SCN7A: variants seen among roughly 807,000 people sequenced by gnomAD.
SCN7A encodes the protein sodium voltage-gated channel alpha subunit 7.
Under a neutral mutation model 155.2 loss-of-function variants are expected in SCN7A, and 138 were observed. The ratio of observed to expected loss-of-function variants is 0.89; its 90% CI spans 0.77 to 1.02. The LOEUF is 1.02. SCN7A is among the 50% of genes least tolerant of loss of function. The pLI, the probability that SCN7A is intolerant of heterozygous loss-of-function variation, is 0.00. For missense variants in SCN7A, 2,058 were observed against 1,986.6 expected, an observed-to-expected ratio of 1.04 and a Z score of -0.68; for synonymous variants, 693 against 649.0, an observed-to-expected ratio of 1.07 and a Z score of -1.03.
At chr2:166,448,036 T>G (rs143130486) in intron 11 of SCN7A, among the ~76,000 whole-genome samples, 1 of 152,180 alleles carries the variant, frequency 6.6e-6, no homozygotes. Flanking sequence ...TGTACTATAC[T>G]ATTGAACACT....
chr2:166,465,240 T>G (rs866300520), intron 9 of SCN7A, among the ~76,000 whole-genome samples: 2 of 152,172 alleles, frequency 1.3e-5, no homozygotes, highest in African/African-American at 4.8e-5. Context: ...ACTTCTCAGC[T>G]TCCCCGACTG....
chr2:166,459,649 T>C (rs1449163068), intron 10 of SCN7A, among the ~76,000 whole-genome samples: 1 of 152,116 alleles, frequency 6.6e-6, no homozygotes, highest in Non-Finnish European at 1.5e-5. Context: ...CTAGATAAAA[T>C]CAAAACAAAC....
intron 10 of SCN7A, 153 bp downstream of exon 10, chr2:166,462,236 A>G (rs1702430175): frequency 1.3e-6 from 1 of 778,188 alleles, no homozygotes; most frequent in African/African-American, 1.7e-5. Context: ...CCAGCATATA[A>G]TTTGACATTC....
At chr2:166,445,176 T>C (rs1291342701) in intron 12 of SCN7A, among the ~76,000 whole-genome samples, 176 bp from the exon 13 acceptor site, 1 of 151,782 alleles carries the variant, frequency 6.6e-6, no homozygotes, top group African/African-American at 2.4e-5. Flanking sequence ...AATAGTTGGG[T>C]GTGGTGGTGG....
intron 19 of SCN7A, among the ~76,000 whole-genome samples, chr2:166,422,875 T>G (rs1701540388): frequency 6.6e-6 from 1 of 152,132 alleles, no homozygotes; most frequent in South Asian, 2.1e-4. Flanking sequence ...AGTGAGAAAT[T>G]TGGGGAGTTT....
At position 166,421,297 on chromosome 2, in the gene SCN7A, C is replaced by A; in HGVS notation, c.3028G>T (p.Val1010Leu). The A allele has an allele frequency of 6.8e-7, 1 of 1,465,460 alleles. No homozygotes were observed. The highest frequency in any genetic ancestry group is 9.1e-7 in the Non-Finnish European group (1 of 1,104,086). 90.8% of individuals were successfully genotyped at this position (1,465,460 alleles called of 1,614,324 possible). Residue 1010 changes from valine (V) to leucine (L), a missense_variant and splice_region_variant, in exon 20 of 26, where the codon GTG (valine) becomes TTG (leucine). By Grantham distance (32) the Val-to-Leu change is conservative. Transcript: ENST00000643258. The part of the protein sequence containing the change: ...WYRLDFVVVI[V>L]FCLSLIGKTR... The stretch of plus-strand genomic sequence containing the variant: ...TTGCCTATTAAGCTAAGACAAAACA[C>A]CTATATATTTTTTTTAAAAAAAGAG...
rs1701037486 is a variant in SCN7A, at chr2:166,405,109, C to A, written c.*471G>T. On this transcript the variant is annotated 3_prime_UTR_variant, in exon 26 of 26. Transcript: ENST00000643258. ...CTAAAGAACTGCTCTCTCCCTTCTTCCAATTGGCTTTTGTCTAGGCAAGTT... is the reference window on the plus strand; with the variant it reads ...CTAAAGAACTGCTCTCTCCCTTCTTACAATTGGCTTTTGTCTAGGCAAGTT... 1 of 152,596 alleles carries A rather than the reference C, an allele frequency of 6.6e-6. No homozygotes were observed. Among genetic ancestry groups the A allele is most frequent in the Non-Finnish European group, 1.5e-5 (1 of 68,448 alleles). The allele number at this position is 152,596 out of a possible 1,614,324, so 9.5% of individuals were successfully genotyped here. A position where few individuals can be genotyped will look rare whatever the true frequency, so the allele number is the denominator to read the frequency against.
intron 20 of SCN7A, among the ~76,000 whole-genome samples, chr2:166,419,825 A>T (rs2105386972): frequency 6.6e-6 from 1 of 152,272 alleles, no homozygotes; most frequent in East Asian, 1.9e-4. Flanking sequence ...TATATGTTAC[A>T]ATTACTATTT....
chr2:166,411,744 C>T (rs574019074), intron 23 of SCN7A, among the ~76,000 whole-genome samples: 60 of 152,148 alleles, frequency 3.9e-4, no homozygotes, highest in African/African-American at 1.3e-3. Context: ...AGGTACTACC[C>T]TGCGGTTTCA....
chr2:166,453,406 C>T (rs1003029218), intron 11 of SCN7A, among the ~76,000 whole-genome samples: 10 of 151,996 alleles, frequency 6.6e-5, no homozygotes, highest in South Asian at 4.1e-4. Flanking sequence ...GATTGCTGAC[C>T]GCAATAGTTT....
In SCN7A at chr2:166,409,911, CA is replaced by C; in HGVS notation, c.3735del (p.Phe1245LeufsTer4). 6.4e-7 allele frequency: 1 copy of C among 1,568,508 alleles called. No homozygotes were observed. The highest frequency in any genetic ancestry group is 8.7e-7 in the Non-Finnish European group (1 of 1,155,338). The stretch of plus-strand genomic sequence containing the variant: ...TTAAAAGCTTGGCTTGTTACCACAT[CA>C]AAGATGAATCCTTGGAGCTTGTTCT... ...RPLNKLQGFI[F>X]DVVTSQAFNV... On this transcript the variant is annotated frameshift_variant, in exon 25 of 26. Coordinates refer to ENST00000643258, the MANE Select transcript of SCN7A (RefSeq NM_002976.4). LOFTEE classifies it high-confidence loss of function.
At chr2:166,420,646 T>C (rs13408253) in intron 20 of SCN7A, among the ~76,000 whole-genome samples, 13,445 of 152,020 alleles carry the variant, frequency 0.088, 1,134 homozygotes, top group African/African-American at 0.21. Flanking sequence ...TTTTATAATA[T>C]TCAATCTATT....
At chr2:166,425,729 C>G (rs781243336) in intron 18 of SCN7A, among the ~76,000 whole-genome samples, 1 of 151,978 alleles carries the variant, frequency 6.6e-6, no homozygotes, top group South Asian at 2.1e-4. Context: ...CTCTTTTGCC[C>G]GAACCATTGT....
At chr2:166,432,928 T>G (rs1268945113) in intron 15 of SCN7A, among the ~76,000 whole-genome samples, 176 bp from the exon 16 acceptor site, 1 of 152,130 alleles carries the variant, frequency 6.6e-6, no homozygotes, top group Non-Finnish European at 1.5e-5. Context: ...ATGCATCTTT[T>G]GAACTTATTC....
chr2:166,453,144 A>G (rs576443609), intron 11 of SCN7A, among the ~76,000 whole-genome samples: 2 of 152,250 alleles, frequency 1.3e-5, no homozygotes, highest in South Asian at 2.1e-4. Flanking sequence ...CTAGTTCTAC[A>G]TTTCCCACTT....
chr2:166,482,336 A>G lies in SCN7A; in HGVS notation c.-15+4520T>C, dbSNP rs539717409. ...TGCCATCAATGAAAATGGTTTAAACACCTTCCATCAAAACTGCAAGACCCA... is the reference window on the plus strand; with the variant it reads ...TGCCATCAATGAAAATGGTTTAAACGCCTTCCATCAAAACTGCAAGACCCA... On this transcript the variant is annotated intron_variant, in intron 2 of 25. Coordinates refer to ENST00000643258, the MANE Select transcript of SCN7A (RefSeq NM_002976.4). 3.3e-5 allele frequency among the ~76,000 whole-genome samples: 5 copies of G among 152,182 alleles called. No individual in the cohort carries two copies. The East Asian group carries it at 9.7e-4, about 29-fold the overall frequency.
intron 11 of SCN7A, among the ~76,000 whole-genome samples, chr2:166,451,744 A>C (rs1702181268): frequency 6.6e-6 from 1 of 152,110 alleles, no homozygotes; most frequent in Non-Finnish European, 1.5e-5. Context: ...CGACTCAGAG[A>C]ATCCTTTACA....
intron 24 of SCN7A, 80 bp downstream of exon 24, chr2:166,410,140 A>C (rs1489416273): frequency 8.1e-7 from 1 of 1,228,350 alleles, no homozygotes; most frequent in Non-Finnish European, 1.1e-6. Context: ...ATTTTGACAA[A>C]AACATTTGTT....
intron 6 of SCN7A, 65 bp from the exon 7 acceptor site, chr2:166,470,771 T>G: frequency 7.1e-7 from 1 of 1,413,444 alleles, no homozygotes; most frequent in Non-Finnish European, 9.5e-7. Flanking sequence ...TCTTGGCTTT[T>G]TATGGTTATT....
Sources: allele counts gnomAD v4.1 joint callset (sites outside exome capture counted in the v4.1 genomes callset), GRCh38; gene constraint gnomAD v4.1.1; transcripts MANE v1.5; gene names NCBI Gene and HGNC (gene_info 2026-07-23, HGNC 2026-07-21).